The following MIS18A variants were observed in gnomAD, a reference collection of about 807,000 sequenced individuals.
MIS18A encodes the protein protein Mis18-alpha.
MIS18A carries 14 observed loss-of-function variants against 25.0 expected under a neutral mutation model. The ratio of observed to expected loss-of-function variants is 0.56; its 90% CI spans 0.37 to 0.88. MIS18A has a LOEUF of 0.88. MIS18A is among the 40% of genes least tolerant of loss of function. The pLI, the probability that MIS18A is intolerant of heterozygous loss-of-function variation, is 0.00. For missense variants in MIS18A, 292 were observed against 290.8 expected (o/e 1.00, Z -0.03); for synonymous variants, 134 against 118.6 (o/e 1.13, Z -0.84).
At chr21:32,162,824 G>T in the MIS18A span, among the ~76,000 whole-genome samples, 2 of 152,182 alleles carry the variant, frequency 1.3e-5, no homozygotes, top group African/African-American at 4.8e-5. Context: ...GCTGCCTCCA[G>T]ACTCCCTTCT....
chr21:32,197,108 G>A, the MIS18A span, among the ~76,000 whole-genome samples: 1 of 152,070 alleles, frequency 6.6e-6, no homozygotes, highest in Non-Finnish European at 1.5e-5. Context: ...TTTATTACAT[G>A]GTAAATACAT....
the MIS18A span, among the ~76,000 whole-genome samples, chr21:32,258,545 T>C: frequency 7.3e-4 from 111 of 151,972 alleles, 1 homozygote; most frequent in Non-Finnish European, 1.3e-3. Flanking sequence ...TGTGGCCTGA[T>C]TGGGGAAACA....
At chr21:32,236,546 C>T in the MIS18A span, among the ~76,000 whole-genome samples, 1 of 152,132 alleles carries the variant, frequency 6.6e-6, no homozygotes, top group Non-Finnish European at 1.5e-5. Flanking sequence ...AATGGCATAG[C>T]TCTTGAGAGG....
chr21:32,254,387 C>T, the MIS18A span, among the ~76,000 whole-genome samples: 3 of 151,692 alleles, frequency 2.0e-5, no homozygotes, highest in Non-Finnish European at 4.4e-5. Flanking sequence ...AGAAATTAGC[C>T]AGGTGTGGTG....
chr21:32,194,342 AT>A, the MIS18A span, among the ~76,000 whole-genome samples: 12 of 54,648 alleles, frequency 2.2e-4, no homozygotes, highest in Admixed American at 1.5e-3. Context: ...CATATGTATG[AT>A]ATATATATAT....
At chr21:32,214,391 C>CTGGGA in the MIS18A span, among the ~76,000 whole-genome samples, 1 of 152,166 alleles carries the variant, frequency 6.6e-6, no homozygotes, top group African/African-American at 2.4e-5. Flanking sequence ...GAGGCGAGAG[C>CTGGGA]TGGGATGCAG....
At chr21:32,175,525 A>G in the MIS18A span, among the ~76,000 whole-genome samples, 2 of 151,652 alleles carry the variant, frequency 1.3e-5, no homozygotes, top group East Asian at 3.9e-4. Flanking sequence ...ACACAAACAC[A>G]CCGGCTGGGC....
At chr21:32,215,126 G>A in the MIS18A span, among the ~76,000 whole-genome samples, 4 of 152,330 alleles carry the variant, frequency 2.6e-5, no homozygotes, top group Admixed American at 1.3e-4. Context: ...AGAGTGCTTG[G>A]CTGTTCTGAC....
the MIS18A span, among the ~76,000 whole-genome samples, chr21:32,191,754 A>C: frequency 6.6e-6 from 1 of 151,982 alleles, no homozygotes; most frequent in African/African-American, 2.4e-5. Context: ...AAATACAAAA[A>C]ATTAGCAGAG....
At chr21:32,256,200 G>A in the MIS18A span, among the ~76,000 whole-genome samples, 2 of 152,078 alleles carry the variant, frequency 1.3e-5, no homozygotes, top group Non-Finnish European at 2.9e-5. Context: ...ACTCTTTACT[G>A]GACAAAATCA....
At chr21:32,275,807 A>G (rs890484295) in intron 1 of MIS18A, among the ~76,000 whole-genome samples, 20 of 151,742 alleles carry the variant, frequency 1.3e-4, no homozygotes, top group Non-Finnish European at 2.8e-4. Flanking sequence ...TACTCCACTG[A>G]TCCATCCCAT....
chr21:32,229,825 T>C, the MIS18A span, among the ~76,000 whole-genome samples: 8 of 152,384 alleles, frequency 5.2e-5, no homozygotes, highest in East Asian at 1.2e-3. Flanking sequence ...TCACAATCAT[T>C]AATTGCTATT....
the MIS18A span, among the ~76,000 whole-genome samples, chr21:32,213,059 T>C: frequency 2.0e-5 from 3 of 152,210 alleles, no homozygotes; most frequent in African/African-American, 7.2e-5. Flanking sequence ...CTTTCAAACA[T>C]TGTTGCTGGG....
At chr21:32,167,018 A>G in the MIS18A span, among the ~76,000 whole-genome samples, 2 of 152,292 alleles carry the variant, frequency 1.3e-5, no homozygotes, top group South Asian at 4.1e-4. Context: ...AGCATTTATT[A>G]CCATGTAATA....
the MIS18A span, among the ~76,000 whole-genome samples, chr21:32,184,754 C>A: frequency 0.1 from 15,849 of 152,164 alleles, 1,070 homozygotes; most frequent in African/African-American, 0.19. Context: ...TCCGCTGACA[C>A]CTTAGTTGCT....
At chr21:32,180,869 G>A in the MIS18A span, among the ~76,000 whole-genome samples, 1 of 152,128 alleles carries the variant, frequency 6.6e-6, no homozygotes, top group African/African-American at 2.4e-5. Flanking sequence ...CTTAGAGCAG[G>A]GGTCTATAAC....
chr21:32,267,769 G>A (rs903310302), downstream of MIS18A, among the ~76,000 whole-genome samples: 24 of 152,174 alleles, frequency 1.6e-4, no homozygotes, highest in Non-Finnish European at 3.4e-4. Flanking sequence ...GGACTACATC[G>A]AGCTTACTGC....
the MIS18A span, among the ~76,000 whole-genome samples, chr21:32,205,097 C>CTTTTTTTTTTT: frequency 3.0e-5 from 2 of 66,182 alleles, no homozygotes; most frequent in Non-Finnish European, 5.1e-5. Flanking sequence ...AGAACTTGTC[C>CTTTTTTTTTTT]TTTTTTTTTT....
the MIS18A span, among the ~76,000 whole-genome samples, chr21:32,194,943 T>C: frequency 3.3e-5 from 5 of 152,178 alleles, no homozygotes; most frequent in African/African-American, 1.2e-4. Context: ...TTAGCTACAA[T>C]GTACCGTGTT....
Sources: allele counts gnomAD v4.1 joint callset (sites outside exome capture counted in the v4.1 genomes callset), GRCh38; gene constraint gnomAD v4.1.1; transcripts MANE v1.5; gene names NCBI Gene and HGNC (gene_info 2026-07-23, HGNC 2026-07-21).